The following EOMES variants were observed in gnomAD, a reference collection of about 807,000 sequenced individuals.
EOMES encodes eomesodermin homolog.
A neutral mutation model predicts 61.0 loss-of-function variants in EOMES; 18 were observed. The ratio of observed to expected loss-of-function variants is 0.30; its 90% CI spans 0.20 to 0.44. The LOEUF (loss-of-function observed/expected upper bound fraction) is 0.44, where lower values mean the gene tolerates loss of function less well. Among genes scored for constraint, EOMES ranks in the 20% least tolerant of loss-of-function variants. EOMES has a pLI of 1.00. For missense variants in EOMES, 885 were observed against 939.2 expected (o/e 0.94, Z 0.75); for synonymous variants, 430 against 394.0 (o/e 1.09, Z -1.08).
chr3:27,717,524 T>C lies in EOMES; in HGVS notation c.1664A>G (p.Tyr555Cys), dbSNP rs1473383238. The change falls in exon 6 of 6, where the codon TAT becomes TGT. Residue 555 changes from tyrosine (Y) to cysteine (C), a missense_variant. This residue lies in a region of EOMES where 259 missense variants were observed against 282.3 expected (regional missense o/e 0.92). Transcript: ENST00000449599. The surrounding 1 kb of genome is among the most constrained non-coding windows in gnomAD (Gnocchi z 4.5). The part of the protein sequence containing the change: ...PGTNKLDISS[Y>C]ESEYTSSTLL... ...TGTGCTAGAAGTATATTCAGATTCA[T>C]AGGAACTGATGTCTAGTTTGTTGGT... The C allele has an allele frequency of 4.3e-6, 7 of 1,614,130 alleles. No homozygotes were observed. Among genetic ancestry groups the C allele is most frequent in the Non-Finnish European group, 5.9e-6 (7 of 1,179,960 alleles).
In EOMES at chr3:27,717,940, G is replaced by T; in HGVS notation, c.1380-132C>A. On this transcript the variant is annotated intron_variant, in intron 5 of 5. Transcript: ENST00000449599. This position sits in a 1 kb window ranked among gnomAD's most constrained non-coding sequence, Gnocchi z 4.5. Reference sequence around the variant, plus strand: ...AAAGTGCTGGTCTGTTGGGCTGAAAGAACAGAGGCAGGAGATGCACTGGCC... The same window carrying T: ...AAAGTGCTGGTCTGTTGGGCTGAAATAACAGAGGCAGGAGATGCACTGGCC... The T allele has an allele frequency of 1.5e-6, 1 of 671,314 alleles. No individual in the cohort carries two copies. Among genetic ancestry groups the T allele is most frequent in the Non-Finnish European group, 2.4e-6 (1 of 416,682 alleles). The allele number at this position is 671,314 out of a possible 1,614,324, so 41.6% of individuals were successfully genotyped here. A position where few individuals can be genotyped will look rare whatever the true frequency, so the allele number is the denominator to read the frequency against.
Position 27,721,285 on chromosome 3 carries a change from T to C in EOMES, c.881+129A>G. On this transcript the variant is annotated intron_variant, in intron 1 of 5. Coordinates refer to ENST00000449599, the MANE Select transcript of EOMES (RefSeq NM_001278182.2). The surrounding 1 kb of genome is among the most constrained non-coding windows in gnomAD (Gnocchi z 7.4). ...GAGATGCGGTGTCTACGGAGATTTA[T>C]TGCGCGCGGTGAAACACTCTAAGCA... 2 of 696,834 alleles carry C rather than the reference T, an allele frequency of 2.9e-6. No homozygotes were observed. Among genetic ancestry groups the C allele is most frequent in the Non-Finnish European group, 4.8e-6 (2 of 418,978 alleles). The allele number at this position is 696,834 out of a possible 1,614,324, so 43.2% of individuals were successfully genotyped here.
In EOMES at chr3:27,716,487, A is replaced by G. The variant is rs2060569936; in HGVS notation, c.*583T>C. The stretch of plus-strand genomic sequence containing the variant: ...CAAGTCTCAAGTGAGGCAATCCTGG[A>G]CTAGGGCAAACATGGCTTGTTCCAA... On this transcript the variant is annotated 3_prime_UTR_variant, in exon 6 of 6. Transcript: ENST00000449599. 1 of 150,684 alleles carries G rather than the reference A, an allele frequency of 6.6e-6. No individual in the cohort carries two copies. The highest frequency in any genetic ancestry group is 6.7e-5 in the Admixed American group (1 of 14,924). The allele number at this position is 150,684 out of a possible 1,614,324, so 9.3% of individuals were successfully genotyped here.
At position 27,717,658 on chromosome 3, in the gene EOMES, A is replaced by T. The variant is rs765994973; in HGVS notation, c.1530T>A (p.Asn510Lys). 1.9e-6 allele frequency: 3 copies of T among 1,614,112 alleles called. No individual in the cohort carries two copies. Among genetic ancestry groups the T allele is most frequent in the Admixed American group, 1.7e-5 (1 of 60,010 alleles). Reference sequence around the variant, plus strand: ...TGGTCTGTGGCACGGTTCTCTCGCCATTATAATAGCGGGCTTGAGGTAAAG... The same window carrying T: ...TGGTCTGTGGCACGGTTCTCTCGCCTTTATAATAGCGGGCTTGAGGTAAAG... The part of the protein sequence containing the change: ...VNTLPQARYY[N>K]GERTVPQTNG... The change falls in exon 6 of 6, where the codon AAT becomes AAA. Residue 510 changes from asparagine (N) to lysine (K), a missense_variant. Physicochemically the swap from Asn to Lys is moderately conservative, Grantham distance 94. This residue lies in a region of EOMES where 259 missense variants were observed against 282.3 expected (regional missense o/e 0.92). Transcript: ENST00000449599. The surrounding 1 kb of genome is among the most constrained non-coding windows in gnomAD (Gnocchi z 4.5).
Position 27,717,892 on chromosome 3 carries a change from G to T in EOMES, c.1380-84C>A. 9.5e-7 allele frequency: 1 copy of T among 1,053,610 alleles called. No individual in the cohort carries two copies. Among genetic ancestry groups the T allele is most frequent in the South Asian group, 1.8e-5 (1 of 55,458 alleles). 65.3% of individuals were successfully genotyped at this position (1,053,610 alleles called of 1,614,324 possible). ...AAACCACCTCCCAGAAATGAAAAAG[G>T]CTTGTGTTGGTTATCTACACCGAAA... On this transcript the variant is annotated intron_variant, in intron 5 of 5. Transcript: ENST00000449599. This position sits in a 1 kb window ranked among gnomAD's most constrained non-coding sequence, Gnocchi z 4.5.
intron 3 of EOMES, 47 bp downstream of exon 3, chr3:27,719,313 C>T (rs1345468711): frequency 1.3e-6 from 2 of 1,596,510 alleles, no homozygotes; most frequent in African/African-American, 1.3e-5. Flanking sequence ...AGAAAAAAGC[C>T]TTATAGTCAA....
rs149842882 is a variant in EOMES at position 27,720,088 on chromosome 3, C to T, written c.1036+83G>A. On this transcript the variant is annotated intron_variant, in intron 2 of 5. Transcript: ENST00000449599. ...ATGGAAGGGGAAAAAAAAAGTGCTACATTTAAATGTGAGTTGTGTGAGTCG... is the reference window on the plus strand; with the variant it reads ...ATGGAAGGGGAAAAAAAAAGTGCTATATTTAAATGTGAGTTGTGTGAGTCG... 399 of 1,353,940 alleles carry T rather than the reference C, an allele frequency of 2.9e-4. 1 individual carries two copies. The African/African-American group carries it at 3.9e-3, about 13-fold the overall frequency. The allele number at this position is 1,353,940 out of a possible 1,614,324, so 83.9% of individuals were successfully genotyped here. A position where few individuals can be genotyped will look rare whatever the true frequency, so the allele number is the denominator to read the frequency against.
Position 27,721,414 on chromosome 3 carries a change from C to T in EOMES, c.881G>A (p.Arg294Lys). The part of the protein sequence containing the change: ...QTEMIITKQG[R>K]RMFPFLSFNI... ...AGGGGCCCCTCCACGCTGCGCTCAC[C>T]TGCCCTGTTTCGTAATGATCATCTC... Residue 294 changes from arginine (R) to lysine (K), a missense_variant and splice_region_variant, in exon 1 of 6, where the codon AGG becomes AAG. This residue lies in a region of EOMES where 177 missense variants were observed against 273.3 expected (regional missense o/e 0.65). Transcript: ENST00000449599. The surrounding 1 kb of genome is among the most constrained non-coding windows in gnomAD (Gnocchi z 7.4). The T allele has an allele frequency of 6.2e-7, 1 of 1,610,254 alleles. No homozygotes were observed. Among genetic ancestry groups the T allele is most frequent in the African/African-American group, 1.3e-5 (1 of 75,000 alleles).
chr3:27,718,534 T>G (rs1576802970), intron 5 of EOMES, 53 bp downstream of exon 5: 6 of 1,172,308 alleles, frequency 5.1e-6, no homozygotes, highest in Non-Finnish European at 5.0e-6. Context: ...TGCCTGTTGA[T>G]GTATGTCCTG....
At position 27,721,763 on chromosome 3, in the gene EOMES, G is replaced by C. The variant is rs1250092173; in HGVS notation, c.532C>G (p.Pro178Ala). 1 of 1,494,952 alleles carries C rather than the reference G, an allele frequency of 6.7e-7. No homozygotes were observed. Among genetic ancestry groups the C allele is most frequent in the Admixed American group, 2.8e-5 (1 of 36,278 alleles). The allele number at this position is 1,494,952 out of a possible 1,614,324, so 92.6% of individuals were successfully genotyped here. A position where few individuals can be genotyped will look rare whatever the true frequency, so the allele number is the denominator to read the frequency against. The change falls in exon 1 of 6, where the codon CCG becomes GCG. Residue 178 changes from proline (P) to alanine (A), a missense_variant. Pro to Ala is a conservative substitution (Grantham distance 27). Coordinates refer to ENST00000449599, the MANE Select transcript of EOMES (RefSeq NM_001278182.2). The surrounding 1 kb of genome is among the most constrained non-coding windows in gnomAD (Gnocchi z 7.4). ...GGGTAGCGCGCCCCGTTAGGAGCCG[G>C]GTACACAGGTCCGTGGGGCGCCCCA... is the stretch of plus-strand genomic sequence containing the variant. ...AAGAPHGPVYPAPNGARYPYG... is the reference protein window; with the variant it reads ...AAGAPHGPVYAAPNGARYPYG...
In EOMES at chr3:27,717,055, G is replaced by A. The variant is rs745787572; in HGVS notation, c.*15C>T. 35 of 1,575,296 alleles carry A rather than the reference G, an allele frequency of 2.2e-5. No individual in the cohort carries two copies. The highest frequency in any genetic ancestry group is 2.8e-5 in the Non-Finnish European group (33 of 1,159,846). The stretch of plus-strand genomic sequence containing the variant: ...CTGCAAAAAGTTAGCTAATTTTTGA[G>A]GTTAAAATAACTCTTTAGGGAGTTG... On this transcript the variant is annotated 3_prime_UTR_variant, in exon 6 of 6. Transcript: ENST00000449599. The surrounding 1 kb of genome is among the most constrained non-coding windows in gnomAD (Gnocchi z 4.5).
intron 1 of EOMES, 81 bp from the exon 2 acceptor site, chr3:27,720,406 G>GGTGTCTGGGGA: frequency 8.6e-7 from 1 of 1,166,230 alleles, no homozygotes; most frequent in Non-Finnish European, 1.3e-6. Flanking sequence ...GGGTTCCCCA[G>GGTGTCTGGGGA]ACACCTGGGA....
At chr3:27,719,049 C>G (rs2060590778) in intron 3 of EOMES, among the ~76,000 whole-genome samples, 156 bp from the exon 4 acceptor site, 1 of 132,696 alleles carries the variant, frequency 7.5e-6, no homozygotes. Flanking sequence ...TCATTATTGC[C>G]CCCCCCCTTT....
Position 27,720,165 on chromosome 3 carries a change from G to T in EOMES, c.1036+6C>A. 3 of 1,570,324 alleles carry T rather than the reference G, an allele frequency of 1.9e-6. No individual in the cohort carries two copies. Among genetic ancestry groups the T allele is most frequent in the Non-Finnish European group, 2.6e-6 (3 of 1,159,940 alleles). On this transcript the variant is annotated splice_donor_region_variant and intron_variant, in intron 2 of 5. Transcript: ENST00000449599. ...CCTCCCCGGCCCGAGCCTCTTCTCT[G>T]CTCACCCTGCATGTTATTGTCGGCT...
rs2060618959 is a variant in EOMES, at chr3:27,721,949, A to G, written c.346T>C (p.Ser116Pro). The G allele has an allele frequency of 7.2e-7, 1 of 1,382,548 alleles. No homozygotes were observed. The highest frequency in any genetic ancestry group is 1.9e-5 in the South Asian group (1 of 53,370). The allele number at this position is 1,382,548 out of a possible 1,614,324, so 85.6% of individuals were successfully genotyped here. A position where few individuals can be genotyped will look rare whatever the true frequency, so the allele number is the denominator to read the frequency against. The stretch of plus-strand genomic sequence containing the variant: ...GCGGCGGCGGCGGCTGCAGCGGCGG[A>G]GGGCAGCTCCTCCTCCCCGCAGGGG... ...GSPCGEEELPSAAAAAAAAAA... is the reference protein window; with the variant it reads ...GSPCGEEELPPAAAAAAAAAA... Residue 116 changes from serine (S) to proline (P), a missense_variant, in exon 1 of 6, where the codon TCC (serine) becomes CCC (proline). By Grantham distance (74) the Ser-to-Pro change is moderately conservative. Around this residue, in one of 3 missense-constraint regions of EOMES, gnomAD observed 449 missense variants for 383.6 expected, o/e 1.17. Transcript: ENST00000449599. The surrounding 1 kb of genome is among the most constrained non-coding windows in gnomAD (Gnocchi z 7.4).
rs1451083679 is a variant in EOMES, at chr3:27,716,651, C to G, written c.*419G>C. 6.2e-6 allele frequency: 1 copy of G among 160,090 alleles called. No individual in the cohort carries two copies. The allele number at this position is 160,090 out of a possible 1,614,324, so 9.9% of individuals were successfully genotyped here. A position where few individuals can be genotyped will look rare whatever the true frequency, so the allele number is the denominator to read the frequency against. ...TCCTTCTGAAACGGAAGGCACAGCC[C>G]TCTTTCAGAAGCAAAACACCTTAAC... On this transcript the variant is annotated 3_prime_UTR_variant, in exon 6 of 6. Coordinates refer to ENST00000449599, the MANE Select transcript of EOMES (RefSeq NM_001278182.2).
In EOMES at chr3:27,721,546, C is replaced by T. The variant is rs774836069; in HGVS notation, c.749G>A (p.Gly250Glu). 2.2e-5 allele frequency: 36 copies of T among 1,606,984 alleles called. No individual in the cohort carries two copies. In the South Asian group the frequency reaches 3.8e-4, roughly 17 times the overall value. Residue 250 changes from glycine to glutamate, a missense_variant, in exon 1 of 6, where the codon GGA becomes GAA. Gly to Glu is a moderately conservative substitution (Grantham distance 98). Coordinates refer to ENST00000449599, the MANE Select transcript of EOMES (RefSeq NM_001278182.2). The surrounding 1 kb of genome is among the most constrained non-coding windows in gnomAD (Gnocchi z 7.4). The stretch of plus-strand genomic sequence containing the variant: ...CAGGCCCCCCAGTCCTCCGCAAGAT[C>T]CCGCCGCTGCGGCTCCAGGGTACGG... The part of the protein sequence containing the change: ...YGPYPGAAAA[G>E]SCGGLGGLGV...
In EOMES at chr3:27,721,992, C is replaced by T; in HGVS notation, c.303G>A (p.Pro101=). 6.8e-7 allele frequency: 1 copy of T among 1,471,046 alleles called. No individual in the cohort carries two copies. The highest frequency in any genetic ancestry group is 8.9e-7 in the Non-Finnish European group (1 of 1,118,010). The allele number at this position is 1,471,046 out of a possible 1,614,324, so 91.1% of individuals were successfully genotyped here. The change falls in exon 1 of 6, where the codon CCG becomes CCA. Residue 101 remains proline (P), a synonymous_variant. Transcript: ENST00000449599. This position sits in a 1 kb window ranked among gnomAD's most constrained non-coding sequence, Gnocchi z 7.4. ...CGCAGGGGGAGCCCTTGCGGCCGTC[C>T]GGGGGCCCCGGCTTGGCCACTGCCG... The part of the protein sequence containing the change: ...SAAAVAKPGP[P]DGRKGSPCGE...
Position 27,720,231 on chromosome 3 carries a change from G to A in EOMES, c.976C>T (p.His326Tyr). The A allele has an allele frequency of 6.2e-7, 1 of 1,612,994 alleles. No individual in the cohort carries two copies. The highest frequency in any genetic ancestry group is 8.5e-7 in the Non-Finnish European group (1 of 1,179,458). The stretch of plus-strand genomic sequence containing the variant: ...CATTTGCCCCCCTGGAAGCGCCAGT[G>A]GTTGGGGTCCGCCAGCACCACCTCT... ...FVEVVLADPN[H>Y]WRFQGGKWVT... Residue 326 changes from histidine (H) to tyrosine (Y), a missense_variant, in exon 2 of 6, where the codon CAC (histidine) becomes TAC (tyrosine). This residue lies in a region of EOMES where 177 missense variants were observed against 273.3 expected (regional missense o/e 0.65). Transcript: ENST00000449599.
Sources: allele counts gnomAD v4.1 joint callset (sites outside exome capture counted in the v4.1 genomes callset), GRCh38; gene constraint gnomAD v4.1.1; regional missense constraint gnomAD v4.1.1; non-coding constraint Gnocchi (gnomAD v3.1); transcripts MANE v1.5; gene names NCBI Gene and HGNC (gene_info 2026-07-23, HGNC 2026-07-21).